Variants in PLLP observed in about 807,000 individuals in gnomAD.
PLLP encodes plasmolipin.
PLLP carries 15 observed loss-of-function variants against 19.7 expected under a neutral mutation model. That is an observed-to-expected ratio of 0.76 (90% CI 0.51 to 1.17). The LOEUF is 1.17. PLLP is among the 50% of genes most tolerant of loss of function. The pLI, the probability that PLLP is intolerant of heterozygous loss-of-function variation, is 0.00. For synonymous variants in PLLP, 111 were observed against 116.3 expected (o/e 0.95, Z 0.29); for missense variants, 255 against 258.3 (o/e 0.99, Z 0.09).
intron 2 of PLLP, among the ~76,000 whole-genome samples, chr16:57,260,094 G>A (rs542425259): frequency 3.0e-4 from 46 of 152,246 alleles, no homozygotes; most frequent in African/African-American, 1.1e-3. Flanking sequence ...ATGGATGCTG[G>A]CTTCTCCAGG....
intron 1 of PLLP, among the ~76,000 whole-genome samples, chr16:57,265,290 G>T (rs1245721827): frequency 6.6e-6 from 1 of 152,238 alleles, no homozygotes; most frequent in Admixed American, 6.5e-5. Flanking sequence ...CACCTGGAGA[G>T]GCCACGAACC....
rs1481813667 is a variant in PLLP, at chr16:57,284,650, C to CT, written c.-111dup. On this transcript the variant is annotated 5_prime_UTR_variant, in exon 1 of 4. Coordinates refer to ENST00000219207, the MANE Select transcript of PLLP (RefSeq NM_015993.3). Reference sequence around the variant, plus strand: ...CCCCAGGCTCCGGATCCCTGTGTGGCTCCAGGCGCTGCAGGAGGCGTCGGG... The same window carrying CT: ...CCCCAGGCTCCGGATCCCTGTGTGGCTTCCAGGCGCTGCAGGAGGCGTCGGG... 1 of 1,098,136 alleles carries CT rather than the reference C, an allele frequency of 9.1e-7. No individual in the cohort carries two copies. Among genetic ancestry groups the CT allele is most frequent in the African/African-American group, 1.6e-5 (1 of 61,764 alleles). The allele number at this position is 1,098,136 out of a possible 1,614,324, so 68.0% of individuals were successfully genotyped here.
At chr16:57,276,386 G>A (rs554606331) in intron 1 of PLLP, among the ~76,000 whole-genome samples, 6 of 152,210 alleles carry the variant, frequency 3.9e-5, no homozygotes, top group Non-Finnish European at 7.3e-5. Flanking sequence ...GAGGTCAGGA[G>A]TTCAAGACCA....
intron 1 of PLLP, among the ~76,000 whole-genome samples, chr16:57,272,708 T>G (rs1417726967): frequency 1.3e-5 from 2 of 152,138 alleles, no homozygotes; most frequent in Non-Finnish European, 2.9e-5. Context: ...TCCCAGCACT[T>G]TGGGAGGCCA....
intron 1 of PLLP, among the ~76,000 whole-genome samples, chr16:57,266,182 C>A (rs926468455): frequency 6.6e-6 from 1 of 152,182 alleles, no homozygotes; most frequent in South Asian, 2.1e-4. Flanking sequence ...CAGGCTCCCC[C>A]CACTGCCCGC....
chr16:57,275,843 C>T (rs554750371), intron 1 of PLLP, among the ~76,000 whole-genome samples: 3 of 152,212 alleles, frequency 2.0e-5, no homozygotes, highest in African/African-American at 7.2e-5. Flanking sequence ...GATCCTGGCG[C>T]CGCGCCTTGC....
chr16:57,273,955 C>T (rs1473806522), intron 1 of PLLP, among the ~76,000 whole-genome samples: 8 of 152,170 alleles, frequency 5.3e-5, no homozygotes, highest in African/African-American at 1.9e-4. Context: ...CAAGTGCCAC[C>T]TTCATAGCTT....
At chr16:57,279,239 A>G (rs75421191) in intron 1 of PLLP, among the ~76,000 whole-genome samples, 4,662 of 152,222 alleles carry the variant, frequency 0.031, 241 homozygotes, top group African/African-American at 0.11. Context: ...ATGCAGCCAG[A>G]AAGGGACAGA....
At chr16:57,273,538 GCC>G (rs1901106065) in intron 1 of PLLP, among the ~76,000 whole-genome samples, 1 of 152,198 alleles carries the variant, frequency 6.6e-6, no homozygotes, top group Non-Finnish European at 1.5e-5. Context: ...ACAGCAAAGG[GCC>G]TGGGCCTGGC....
chr16:57,281,517 C>CATTTTTTTTTTT (rs1901218391), intron 1 of PLLP, among the ~76,000 whole-genome samples: 1 of 130,142 alleles, frequency 7.7e-6, no homozygotes, highest in Non-Finnish European at 1.6e-5. Context: ...TTTTTTATTT[C>CATTTTTTTTTTT]TTTTTTTTTT....
In PLLP at chr16:57,262,039, G is replaced by A. The variant is rs756287108; in HGVS notation, c.167C>T (p.Ala56Val). The change falls in exon 2 of 4, where the codon GCG (alanine) becomes GTG (valine). Residue 56 changes from alanine (A) to valine (V), a missense_variant. Transcript: ENST00000219207. ...CGGATACAGGTGGTACGGGGTGTCC[G>A]CAATCAGCGCCCACACCAGCAGCCC... ...VLGLLVWALI[A>V]DTPYHLYPAY... 12 of 1,614,128 alleles carry A rather than the reference G, an allele frequency of 7.4e-6. No individual in the cohort carries two copies. Among genetic ancestry groups the A allele is most frequent in the East Asian group, 6.7e-5 (3 of 44,876 alleles).
chr16:57,259,881 G>GC (rs2075436771), intron 2 of PLLP, among the ~76,000 whole-genome samples: 3 of 151,938 alleles, frequency 2.0e-5, no homozygotes, highest in Admixed American at 2.0e-4. Context: ...GGAGGCTGAG[G>GC]CGGAAGAATC....
At chr16:57,283,474 T>A (rs1451507644) in intron 1 of PLLP, among the ~76,000 whole-genome samples, 1 of 152,104 alleles carries the variant, frequency 6.6e-6, no homozygotes, top group Non-Finnish European at 1.5e-5. Context: ...ACTCGCTGGA[T>A]TGCTAAGAAA....
At chr16:57,282,546 C>G (rs912935464) in intron 1 of PLLP, among the ~76,000 whole-genome samples, 20 of 151,962 alleles carry the variant, frequency 1.3e-4, no homozygotes, top group Non-Finnish European at 2.1e-4. Flanking sequence ...GCTGAGGGAT[C>G]CCTCACAGGG....
At chr16:57,271,518 A>G (rs1567531494) in intron 1 of PLLP, among the ~76,000 whole-genome samples, 1 of 151,994 alleles carries the variant, frequency 6.6e-6, no homozygotes, top group Non-Finnish European at 1.5e-5. Flanking sequence ...GGTGGTGGGC[A>G]CCTGTAATCC....
rs115519489 is a variant in PLLP, at chr16:57,256,501, A to G, written c.*412T>C. The G allele has an allele frequency of 4.7e-3, 928 of 195,916 alleles. 11 individuals are homozygous for G. Among genetic ancestry groups the G allele is most frequent in the African/African-American group, 0.02 (885 of 43,424 alleles). The allele number at this position is 195,916 out of a possible 1,614,324, so 12.1% of individuals were successfully genotyped here. ...CTCAGCTCTCCTGGAACAAAGACTA[A>G]GGTGCTACGTGTTGCTTGTTAGGCT... On this transcript the variant is annotated 3_prime_UTR_variant, in exon 4 of 4. Coordinates refer to ENST00000219207, the MANE Select transcript of PLLP (RefSeq NM_015993.3).
intron 1 of PLLP, among the ~76,000 whole-genome samples, chr16:57,283,195 A>AT (rs1472222084): frequency 1.3e-5 from 2 of 152,032 alleles, no homozygotes; most frequent in Non-Finnish European, 2.9e-5. Flanking sequence ...CCGATTGCAC[A>AT]TTTTTTTCCG....
chr16:57,281,512 T>A (rs536539104), intron 1 of PLLP, among the ~76,000 whole-genome samples: 4 of 136,746 alleles, frequency 2.9e-5, no homozygotes, highest in Admixed American at 1.4e-4. Context: ...ATTTTTTTTT[T>A]ATTTCTTTTT....
At chr16:57,272,317 A>C (rs1305146070) in intron 1 of PLLP, among the ~76,000 whole-genome samples, 1 of 152,084 alleles carries the variant, frequency 6.6e-6, no homozygotes, top group Non-Finnish European at 1.5e-5. Flanking sequence ...AGACTACTTT[A>C]TTTGAAGAGA....
Sources: gnomAD v4.1 joint callset for allele counts (sites outside exome capture counted in the v4.1 genomes callset) on GRCh38, gnomAD v4.1.1 for gene constraint, MANE v1.5 for transcripts, NCBI Gene and HGNC (gene_info 2026-07-23, HGNC 2026-07-21) for gene names.